The following SLC4A9 variants were observed in gnomAD, a reference collection of about 807,000 sequenced individuals.
The protein encoded by SLC4A9 is anion exchange protein 4.
SLC4A9 carries 102 observed loss-of-function variants against 103.2 expected under a neutral mutation model. The observed-to-expected ratio is 0.99, with a 90% CI of 0.84 to 1.17. SLC4A9 has a LOEUF of 1.17. Ranked by LOEUF, SLC4A9 falls within the 50% of genes most tolerant of loss-of-function variation. The pLI is 0.00. For synonymous variants in SLC4A9, 453 were observed against 483.6 expected (o/e 0.94, Z 0.83); for missense variants, 1,091 against 1,193.7 (o/e 0.91, Z 1.27).
intron 17 of SLC4A9, 199 bp from the exon 18 acceptor site, chr5:140,370,896 T>C (rs752034756): frequency 1.7e-4 from 94 of 556,022 alleles, no homozygotes; most frequent in Admixed American, 6.2e-5. Flanking sequence ...ATCTGTAAAA[T>C]GAAGGCAATA....
chr5:140,372,260 G>T lies in SLC4A9; in HGVS notation c.2689G>T (p.Val897Phe). The change falls in exon 20 of 22, where the codon GTC (valine) becomes TTC (phenylalanine). Residue 897 changes from valine (V) to phenylalanine (F), a missense_variant. Transcript: ENST00000506757. ...CCTGCAGTTGCTGGGCCTTGTGGGG[G>T]TCCGAAAGGCCCTGGAGAGGGTCTT... ...FPLMLLGLVG[V>F]RKALERVFSP... 3 of 1,569,110 alleles carry T rather than the reference G, an allele frequency of 1.9e-6. No individual in the cohort carries two copies. Among genetic ancestry groups the T allele is most frequent in the Middle Eastern group, 1.7e-4 (1 of 5,898 alleles).
In SLC4A9 at chr5:140,361,794, A is replaced by T. The variant is rs1767117849; in HGVS notation, c.506-14A>T. The T allele has an allele frequency of 6.2e-7, 1 of 1,613,912 alleles. No homozygotes were observed. The highest frequency in any genetic ancestry group is 1.3e-5 in the African/African-American group (1 of 75,040). On this transcript the variant is annotated splice_polypyrimidine_tract_variant and intron_variant, in intron 3 of 21. Coordinates refer to ENST00000506757, the MANE Select transcript of SLC4A9 (RefSeq NM_031467.3). ...AGCCTGTGGTCTTAATCACTGCATAATCCTGTTTTGTAGGCTCTACTCATC... is the reference window on the plus strand; with the variant it reads ...AGCCTGTGGTCTTAATCACTGCATATTCCTGTTTTGTAGGCTCTACTCATC...
intron 11 of SLC4A9, among the ~76,000 whole-genome samples, chr5:140,364,962 AATAC>A (rs1214907563): frequency 1.3e-5 from 2 of 152,186 alleles, no homozygotes; most frequent in African/African-American, 4.8e-5. Flanking sequence ...AGTAGAGCTA[AATAC>A]ATACATCAAA....
chr5:140,360,472 T>C lies in SLC4A9; in HGVS notation c.230+6T>C. On this transcript the variant is annotated splice_donor_region_variant and intron_variant, in intron 1 of 21. Coordinates refer to ENST00000506757, the MANE Select transcript of SLC4A9 (RefSeq NM_031467.3). ...GAGTGGAGAGAGACAGGCAGGTAAG[T>C]TGGATGCAGGCCAGTTCTGTGGGAT... 6.4e-7 allele frequency: 1 copy of C among 1,564,458 alleles called. No individual in the cohort carries two copies. The highest frequency in any genetic ancestry group is 8.7e-7 in the Non-Finnish European group (1 of 1,154,108).
At chr5:140,370,774 C>G in intron 17 of SLC4A9, 1 of 271,552 alleles carries the variant, frequency 3.7e-6, no homozygotes, top group African/African-American at 2.2e-5. Flanking sequence ...GAAGGAAAGG[C>G]GGTTAGTATA....
chr5:140,366,155 G>A lies in SLC4A9; in HGVS notation c.1904G>A (p.Arg635His), dbSNP rs755966533. The change falls in exon 14 of 22, where the codon CGC (arginine) becomes CAC (histidine). Residue 635 changes from arginine (R) to histidine (H), a missense_variant. Physicochemically the swap from Arg to His is conservative, Grantham distance 29 (BLOSUM62 0). Transcript: ENST00000506757. ...KTSRFFPSVV[R>H]KGLSDFSSVL... ...TGAGTGTCCACTGTGTGCCAGGTGC[G>A]CAAAGGGCTCAGCGACTTCTCCTCA... 33 of 1,612,928 alleles carry A rather than the reference G, an allele frequency of 2.0e-5. No homozygotes were observed. Among genetic ancestry groups the A allele is most frequent in the East Asian group, 8.9e-5 (4 of 44,874 alleles).
intron 12 of SLC4A9, 75 bp from the exon 13 acceptor site, chr5:140,365,759 C>T: frequency 2.0e-6 from 3 of 1,519,940 alleles, no homozygotes; most frequent in East Asian, 2.3e-5. Flanking sequence ...GTCCCTCCTC[C>T]CTTGAAGTTG....
Position 140,366,165 on chromosome 5 carries a change from C to T in SLC4A9, c.1914C>T (p.Leu638=), listed in dbSNP as rs936288210. The T allele has an allele frequency of 1.2e-6, 2 of 1,613,406 alleles. No homozygotes were observed. The highest frequency in any genetic ancestry group is 1.7e-6 in the Non-Finnish European group (2 of 1,179,578). ...RFFPSVVRKG[L]SDFSSVLAIL... is the part of the protein sequence containing the mutation. ...CTGTGTGCCAGGTGCGCAAAGGGCT[C>T]AGCGACTTCTCCTCAGTCCTGGCCA... The change falls in exon 14 of 22, where the codon CTC becomes CTT. Residue 638 remains leucine, a synonymous_variant. Transcript: ENST00000506757.
chr5:140,372,042 G>T (rs1360573354), intron 19 of SLC4A9, among the ~76,000 whole-genome samples, 200 bp from the exon 20 acceptor site: 1 of 152,242 alleles, frequency 6.6e-6, no homozygotes, highest in African/African-American at 2.4e-5. Context: ...CCTCTGGGAA[G>T]TAACTAATCA....
At position 140,366,346 on chromosome 5, in the gene SLC4A9, C is replaced by T. The variant is rs1348726528; in HGVS notation, c.2013+82C>T. The T allele has an allele frequency of 5.4e-6, 5 of 925,690 alleles. No homozygotes were observed. The East Asian group carries it at 8.0e-5, about 15-fold the overall frequency. 57.3% of individuals were successfully genotyped at this position (925,690 alleles called of 1,614,324 possible). On this transcript the variant is annotated intron_variant, in intron 14 of 21. Coordinates refer to ENST00000506757, the MANE Select transcript of SLC4A9 (RefSeq NM_031467.3). ...ATGGGGAAGGAAAATGAATAAATCC[C>T]ACACTTCTCTAAGCTTCTTTCTTCA...
rs1175220777 is a variant in SLC4A9 at position 140,365,961 on chromosome 5, C to G, written c.1838C>G (p.Thr613Ser). Residue 613 changes from threonine (T) to serine (S), a missense_variant, in exon 13 of 22, where the codon ACT (threonine) becomes AGT (serine). Physicochemically the swap from Thr to Ser is moderately conservative, Grantham distance 58. Transcript: ENST00000506757. The stretch of plus-strand genomic sequence containing the variant: ...TTCTTCTCCCTTCTCCTCTTCCTTA[C>G]TTCTTTCTTCTTTGCTATGGCCCTC... ...IAFFSLLLFL[T>S]SFFFAMALKC... The G allele has an allele frequency of 1.2e-6, 2 of 1,613,948 alleles. No homozygotes were observed. Among genetic ancestry groups the G allele is most frequent in the South Asian group, 2.2e-5 (2 of 91,084 alleles).
rs763744035 is a variant in SLC4A9, at chr5:140,364,107, G to C, written c.1308G>C (p.Leu436=). The change falls in exon 10 of 22, where the codon CTG becomes CTC. Residue 436 remains leucine (L), a synonymous_variant. Transcript: ENST00000506757. ...GTAVAGAAFC[L]MAGQPLTILS... is the part of the protein sequence containing the mutation. Reference sequence around the variant, plus strand: ...CAGTGGCTGGAGCTGCCTTCTGCCTGATGGCAGGCCAGCCCCTCACCATTC... The same window carrying C: ...CAGTGGCTGGAGCTGCCTTCTGCCTCATGGCAGGCCAGCCCCTCACCATTC... 6.3e-7 allele frequency: 1 copy of C among 1,589,650 alleles called. No homozygotes were observed. The highest frequency in any genetic ancestry group is 1.3e-5 in the African/African-American group (1 of 74,074).
Position 140,365,941 on chromosome 5 carries a change from C to T in SLC4A9, c.1818C>T (p.Phe606=), listed in dbSNP as rs1475041953. 15 of 1,613,936 alleles carry T rather than the reference C, an allele frequency of 9.3e-6. No individual in the cohort carries two copies. Among genetic ancestry groups the T allele is most frequent in the East Asian group, 8.9e-5 (4 of 44,894 alleles). Residue 606 remains phenylalanine (F), a synonymous_variant, in exon 13 of 22, where the codon TTC becomes TTT. Transcript: ENST00000506757. ...ATACAGTCCCAGACATTGCCTTCTTCTCCCTTCTCCTCTTCCTTACTTCTT... is the reference window on the plus strand; with the variant it reads ...ATACAGTCCCAGACATTGCCTTCTTTTCCCTTCTCCTCTTCCTTACTTCTT... ...GCHTVPDIAF[F]SLLLFLTSFF...
At position 140,367,504 on chromosome 5, in the gene SLC4A9, C is replaced by T. The variant is rs949442254; in HGVS notation, c.2098C>T (p.Leu700=). Residue 700 remains leucine (L), a synonymous_variant, in exon 15 of 22, where the codon CTG becomes TTG. Coordinates refer to ENST00000506757, the MANE Select transcript of SLC4A9 (RefSeq NM_031467.3). ...GAGTGTGGCAGCTGCCCTGCCTGCC[C>T]TGCTGCTGTCTATCCTCATCTTCAT... ...WWSVAAALPA[L]LLSILIFMDQ... 2 of 1,605,060 alleles carry T rather than the reference C, an allele frequency of 1.2e-6. No homozygotes were observed. The highest frequency in any genetic ancestry group is 3.4e-5 in the Admixed American group (2 of 58,556).
At position 140,363,447 on chromosome 5, in the gene SLC4A9, C is replaced by T; in HGVS notation, c.971C>T (p.Ser324Leu). The change falls in exon 8 of 22, where the codon TCG (serine) becomes TTG (leucine). Residue 324 changes from serine to leucine, a missense_variant. Ser to Leu is a moderately radical substitution (Grantham distance 145, BLOSUM62 -2). Coordinates refer to ENST00000506757, the MANE Select transcript of SLC4A9 (RefSeq NM_031467.3). The surrounding 1 kb of genome is among the most constrained non-coding windows in gnomAD (Gnocchi z 4.5). Reference protein sequence around the residue: ...CLPSQHKRLPSQQREIRGPAV... With the variant: ...CLPSQHKRLPLQQREIRGPAV... ...GTTCCCCTCCTCCTCAGGCTTCCCT[C>T]GCAACAGCGGGAGATCAGAGGTCCC... 6.4e-7 allele frequency: 1 copy of T among 1,551,294 alleles called. No individual in the cohort carries two copies. The highest frequency in any genetic ancestry group is 8.7e-7 in the Non-Finnish European group (1 of 1,146,992).
At chr5:140,365,451 G>A in intron 11 of SLC4A9, 69 bp from the exon 12 acceptor site, 1 of 1,438,326 alleles carries the variant, frequency 7.0e-7, no homozygotes, top group Non-Finnish European at 9.6e-7. Context: ...CATCAGATAA[G>A]AATTTTATGG....
rs371152564 is a variant in SLC4A9 at position 140,372,237 on chromosome 5, T to C, written c.2671-5T>C. ...CAGGCCTGGGCCATGTTTCTATTCC[T>C]GCAGTTGCTGGGCCTTGTGGGGGTC... On this transcript the variant is annotated splice_polypyrimidine_tract_variant and splice_region_variant and intron_variant, in intron 19 of 21. Coordinates refer to ENST00000506757, the MANE Select transcript of SLC4A9 (RefSeq NM_031467.3). 15 of 1,549,398 alleles carry C rather than the reference T, an allele frequency of 9.7e-6. No homozygotes were observed. In the African/African-American group the frequency reaches 2.1e-4, roughly 22 times the overall value.
Position 140,364,592 on chromosome 5 carries a change from T to A in SLC4A9, c.1618T>A (p.Tyr540Asn), listed in dbSNP as rs1383845238. ...YPIQKPGSSA[Y>N]GCLCQYPGPG... Reference sequence around the variant, plus strand: ...TATCCAGAAGCCTGGGTCCTCTGCCTACGGGTGCCTCTGCCAATACCCAGG... The same window carrying A: ...TATCCAGAAGCCTGGGTCCTCTGCCAACGGGTGCCTCTGCCAATACCCAGG... The change falls in exon 11 of 22, where the codon TAC becomes AAC. Residue 540 changes from tyrosine (Y) to asparagine (N), a missense_variant. Tyr to Asn is a moderately radical substitution (Grantham distance 143, BLOSUM62 -2). Coordinates refer to ENST00000506757, the MANE Select transcript of SLC4A9 (RefSeq NM_031467.3). 6.2e-7 allele frequency: 1 copy of A among 1,601,576 alleles called. No homozygotes were observed. Among genetic ancestry groups the A allele is most frequent in the Admixed American group, 1.7e-5 (1 of 57,622 alleles).
intron 17 of SLC4A9, among the ~76,000 whole-genome samples, chr5:140,369,886 C>T (rs989776307): frequency 2.6e-5 from 4 of 151,906 alleles, no homozygotes; most frequent in African/African-American, 9.7e-5. Context: ...CCTGTAGTCT[C>T]AGCTACTTGG....
Sources: gnomAD v4.1 joint callset for allele counts (sites outside exome capture counted in the v4.1 genomes callset) on GRCh38, gnomAD v4.1.1 for gene constraint, Gnocchi (gnomAD v3.1) non-coding constraint, MANE v1.5 for transcripts, NCBI Gene and HGNC (gene_info 2026-07-23, HGNC 2026-07-21) for gene names.